Variants in ELL2 observed in about 807,000 individuals in gnomAD.
ELL2 encodes RNA polymerase II elongation factor ELL2.
ELL2 carries 21 observed loss-of-function variants against 72.8 expected under a neutral mutation model. The observed-to-expected ratio is 0.29, with a 90% confidence interval of 0.20 to 0.42. ELL2 has a LOEUF of 0.42. Ranked by LOEUF, ELL2 falls within the 10% of genes least tolerant of loss-of-function variation. ELL2 has a pLI of 1.00. For synonymous variants in ELL2, 266 were observed against 283.2 expected, an observed-to-expected ratio of 0.94 and a Z score of 0.61; for missense variants, 568 against 772.8, an observed-to-expected ratio of 0.73 and a Z score of 3.14.
chr5:95,911,372 T>A (rs1305293844), intron 4 of ELL2, among the ~76,000 whole-genome samples: 1 of 150,998 alleles, frequency 6.6e-6, no homozygotes, highest in East Asian at 1.9e-4. Context: ...GGAGTCTCGC[T>A]CTGTCTCCAA....
In ELL2 at chr5:95,927,695, A is replaced by G. The variant is rs552062453; in HGVS notation, c.196-8150T>C. On this transcript the variant is annotated intron_variant, in intron 2 of 11. Coordinates refer to ENST00000237853, the MANE Select transcript of ELL2 (RefSeq NM_012081.6). Reference sequence around the variant, plus strand: ...TATAGACATACACACACACGTGTGTATATAGACATACACACACACATATGT... The same window carrying G: ...TATAGACATACACACACACGTGTGTGTATAGACATACACACACACATATGT... Among the ~76,000 whole-genome samples the G allele has an allele frequency of 9.3e-5, 6 of 64,468 alleles. 1 individual carries two copies. The highest frequency in any genetic ancestry group is 1.2e-4 in the Admixed American group (1 of 8,018). 42.3% of individuals were successfully genotyped at this position (64,468 alleles called of 152,430 possible).
At chr5:95,907,294 ATAT>A (rs1561494963) in intron 4 of ELL2, among the ~76,000 whole-genome samples, 1 of 79,558 alleles carries the variant, frequency 1.3e-5, no homozygotes. Context: ...ATATATATAT[ATAT>A]TTTTTTTTTT....
In ELL2 at chr5:95,887,136, CAG is replaced by C. The variant is rs1377012425; in HGVS notation, c.*1733_*1734del. 17 of 152,064 alleles carry C rather than the reference CAG, an allele frequency of 1.1e-4. No homozygotes were observed. The highest frequency in any genetic ancestry group is 9.8e-4 in the Admixed American group (15 of 15,248). The allele number at this position is 152,064 out of a possible 1,614,324, so 9.4% of individuals were successfully genotyped here. On this transcript the variant is annotated 3_prime_UTR_variant, in exon 12 of 12. Transcript: ENST00000237853. ...CCAGGGATCTCAATGCTAAAAGAAA[CAG>C]AATTCCTTAGGAGGTCCATGCTACA...
chr5:95,947,305 G>A (rs899351618), intron 1 of ELL2, among the ~76,000 whole-genome samples: 5 of 152,140 alleles, frequency 3.3e-5, no homozygotes, highest in Non-Finnish European at 7.3e-5. Context: ...GGGTTGTACA[G>A]ACAAGACAAT....
intron 8 of ELL2, among the ~76,000 whole-genome samples, chr5:95,897,819 A>G (rs1748931412): frequency 6.6e-6 from 1 of 152,224 alleles, no homozygotes; most frequent in Non-Finnish European, 1.5e-5. Flanking sequence ...GCTAATATTA[A>G]TTGAAGCAAG....
chr5:95,910,825 T>G (rs1219997768), intron 4 of ELL2, among the ~76,000 whole-genome samples: 1 of 152,228 alleles, frequency 6.6e-6, no homozygotes, highest in Non-Finnish European at 1.5e-5. Flanking sequence ...GGTAAACTTC[T>G]GGCATCATTT....
intron 1 of ELL2, among the ~76,000 whole-genome samples, chr5:95,957,690 C>A (rs1751670671): frequency 6.6e-6 from 1 of 152,108 alleles, no homozygotes; most frequent in African/African-American, 2.4e-5. Context: ...CTCCCAAGAT[C>A]ACTTCTCTAA....
intron 1 of ELL2, among the ~76,000 whole-genome samples, chr5:95,943,522 T>G (rs1316818307): frequency 6.6e-6 from 1 of 152,084 alleles, no homozygotes; most frequent in Non-Finnish European, 1.5e-5. Context: ...AATTTTACAT[T>G]AAAAAAACTG....
intron 6 of ELL2, 31 bp from the exon 7 acceptor site, chr5:95,900,811 G>C: frequency 6.3e-7 from 1 of 1,578,848 alleles, no homozygotes; most frequent in Non-Finnish European, 8.6e-7. Context: ...ATGTGTTAAG[G>C]AGATGATTTA....
chr5:95,907,491 T>C (rs765570954), intron 4 of ELL2, among the ~76,000 whole-genome samples: 3 of 152,030 alleles, frequency 2.0e-5, no homozygotes, highest in Non-Finnish European at 4.4e-5. Flanking sequence ...GTGCTGTTCA[T>C]GTGGTTAACC....
At chr5:95,919,128 T>A (rs1333585747) in intron 3 of ELL2, among the ~76,000 whole-genome samples, 1 of 152,142 alleles carries the variant, frequency 6.6e-6, no homozygotes, top group Non-Finnish European at 1.5e-5. Flanking sequence ...CTAAAAAAAA[T>A]CCTCAAATTG....
rs1353031207 is a variant in ELL2 at position 95,886,679 on chromosome 5, T to C, written c.*2192A>G. On this transcript the variant is annotated 3_prime_UTR_variant, in exon 12 of 12. Coordinates refer to ENST00000237853, the MANE Select transcript of ELL2 (RefSeq NM_012081.6). Reference sequence around the variant, plus strand: ...GACATTAAAAAAAAAAAAAAGCCAATAGTTGACCTTCAGTTCAAGATTTCA... The same window carrying C: ...GACATTAAAAAAAAAAAAAAGCCAACAGTTGACCTTCAGTTCAAGATTTCA... 1 of 139,220 alleles carries C rather than the reference T, an allele frequency of 7.2e-6. No individual in the cohort carries two copies. Among genetic ancestry groups the C allele is most frequent in the Non-Finnish European group, 1.5e-5 (1 of 64,840 alleles). The allele number at this position is 139,220 out of a possible 1,614,324, so 8.6% of individuals were successfully genotyped here. A position where few individuals can be genotyped will look rare whatever the true frequency, so the allele number is the denominator to read the frequency against.
At chr5:95,958,339 A>G (rs1751693769) in intron 1 of ELL2, among the ~76,000 whole-genome samples, 1 of 152,218 alleles carries the variant, frequency 6.6e-6, no homozygotes, top group African/African-American at 2.4e-5. Context: ...CCACTGGAGG[A>G]TAAAAGCTCA....
intron 2 of ELL2, among the ~76,000 whole-genome samples, chr5:95,931,643 C>T (rs1226137728): frequency 1.3e-5 from 2 of 151,620 alleles, no homozygotes; most frequent in South Asian, 4.2e-4. Flanking sequence ...AAACAACTAG[C>T]AATATTTCCA....
At chr5:95,930,214 G>A (rs149762578) in intron 2 of ELL2, among the ~76,000 whole-genome samples, 9 of 152,218 alleles carry the variant, frequency 5.9e-5, no homozygotes, top group African/African-American at 1.9e-4. Flanking sequence ...AATATGAATC[G>A]CAACTTCCAA....
At position 95,900,705 on chromosome 5, in the gene ELL2, T is replaced by C. The variant is rs770208952; in HGVS notation, c.942A>G (p.Val314=). Residue 314 remains valine (V), a synonymous_variant, in exon 7 of 12, where the codon GTA becomes GTG. Coordinates refer to ENST00000237853, the MANE Select transcript of ELL2 (RefSeq NM_012081.6). ...GTTTATGACATACCTGAGGAGAAGA[T>C]ACAGCGTCTCTACTAGAACATACAG... The part of the protein sequence containing the change: ...ESPVCSSRDA[V]SSPQKRLLDS... The C allele has an allele frequency of 1.3e-6, 2 of 1,597,328 alleles. No homozygotes were observed. The highest frequency in any genetic ancestry group is 2.2e-5 in the East Asian group (1 of 44,740).
chr5:95,906,896 A>T, intron 4 of ELL2, 114 bp from the exon 5 acceptor site: 1 of 1,121,688 alleles, frequency 8.9e-7, no homozygotes, highest in Non-Finnish European at 1.2e-6. Context: ...ATAATAATAA[A>T]GGCCACTTTA....
At chr5:95,947,540 G>A (rs535905693) in intron 1 of ELL2, among the ~76,000 whole-genome samples, 63 of 152,258 alleles carry the variant, frequency 4.1e-4, no homozygotes, top group African/African-American at 1.5e-3. Flanking sequence ...CCAGCCCTGG[G>A]TGGTAGGAAA....
Position 95,885,672 on chromosome 5 carries a change from A to G in ELL2, c.*3199T>C, listed in dbSNP as rs1395703164. 1 of 152,240 alleles carries G rather than the reference A, an allele frequency of 6.6e-6. No homozygotes were observed. The highest frequency in any genetic ancestry group is 1.5e-5 in the Non-Finnish European group (1 of 68,042). 9.4% of individuals were successfully genotyped at this position (152,240 alleles called of 1,614,324 possible). On this transcript the variant is annotated 3_prime_UTR_variant, in exon 12 of 12. Transcript: ENST00000237853. ...TAATTTCAACATCTTCCAATATGCA[A>G]GCAGGCATTTGTTTTACATAAGGTG...
Sources: allele counts gnomAD v4.1 joint callset (sites outside exome capture counted in the v4.1 genomes callset), GRCh38; gene constraint gnomAD v4.1.1; transcripts MANE v1.5; gene names NCBI Gene and HGNC (gene_info 2026-07-23, HGNC 2026-07-21).